The following PLPPR5 variants were observed in gnomAD, a reference collection of about 807,000 sequenced individuals.
PLPPR5 encodes the protein phospholipid phosphatase related 5, also known as phospholipid phosphatase-related protein type 5.
PLPPR5 carries 16 observed loss-of-function variants against 33.9 expected under a neutral mutation model. That is an observed-to-expected ratio of 0.47 (90% CI 0.32 to 0.72). The LOEUF is 0.72. Ranked by LOEUF, PLPPR5 falls within the 30% of genes least tolerant of loss-of-function variation. The pLI is 0.03. For synonymous variants in PLPPR5, 163 were observed against 150.3 expected, an observed-to-expected ratio of 1.08 and a Z score of -0.62; for missense variants, 301 against 406.7, an observed-to-expected ratio of 0.74 and a Z score of 2.23.
chr1:98,941,990 GTA>G (rs59224131), intron 3 of PLPPR5, among the ~76,000 whole-genome samples: 117,357 of 146,810 alleles, frequency 0.8, 47,409 homozygotes, highest in Admixed American at 0.86. Flanking sequence ...ATATGTATAC[GTA>G]TATATATATA....
chr1:98,926,032 C>T (rs1174664256), intron 3 of PLPPR5, among the ~76,000 whole-genome samples: 1 of 152,182 alleles, frequency 6.6e-6, no homozygotes, highest in Non-Finnish European at 1.5e-5. Context: ...TGTTTTCATG[C>T]TTCTTTCACC....
chr1:98,987,946 T>C (rs1335148612), intron 1 of PLPPR5, among the ~76,000 whole-genome samples: 2 of 152,074 alleles, frequency 1.3e-5, no homozygotes, highest in African/African-American at 2.4e-5. Context: ...ATTTACTTTT[T>C]CTCCATAACC....
chr1:98,907,022 T>C (rs1046029248), intron 5 of PLPPR5, among the ~76,000 whole-genome samples: 55 of 152,282 alleles, frequency 3.6e-4, no homozygotes, highest in African/African-American at 1.3e-3. Context: ...GTGTGGACTT[T>C]GTTCTTTATG....
chr1:98,938,692 G>C (rs577807830), intron 3 of PLPPR5, among the ~76,000 whole-genome samples: 2 of 151,930 alleles, frequency 1.3e-5, no homozygotes, highest in Non-Finnish European at 2.9e-5. Context: ...ATGAAGTTCT[G>C]CCCGGTTCAC....
chr1:98,951,294 A>T (rs1650775027), intron 3 of PLPPR5, among the ~76,000 whole-genome samples: 1 of 152,234 alleles, frequency 6.6e-6, no homozygotes, highest in South Asian at 2.1e-4. Flanking sequence ...AATAGGAAAG[A>T]ATATGCATGG....
intron 1 of PLPPR5, among the ~76,000 whole-genome samples, chr1:98,997,510 C>A (rs555086404): frequency 6.6e-6 from 1 of 152,112 alleles, no homozygotes; most frequent in Non-Finnish European, 1.5e-5. Context: ...ACAAAATGAA[C>A]GAGATGATTC....
At chr1:98,938,420 C>CA (rs544492984) in intron 3 of PLPPR5, among the ~76,000 whole-genome samples, 11,254 of 80,486 alleles carry the variant, frequency 0.14, 1,135 homozygotes, top group East Asian at 0.53. Context: ...AAGATCGTCT[C>CA]AAAAAAAAAA....
At chr1:98,909,278 C>A (rs1649032495) in intron 5 of PLPPR5, among the ~76,000 whole-genome samples, 1 of 138,156 alleles carries the variant, frequency 7.2e-6, no homozygotes, top group South Asian at 2.5e-4. Flanking sequence ...CCCTTCCCCT[C>A]CCTTCCCCGC....
intron 1 of PLPPR5, among the ~76,000 whole-genome samples, chr1:98,968,563 G>A (rs561280361): frequency 3.9e-5 from 6 of 152,132 alleles, no homozygotes; most frequent in Admixed American, 3.3e-4. Context: ...AGGATGTTAA[G>A]TGATATTTTC....
chr1:98,983,356 C>T (rs558511465), intron 1 of PLPPR5, among the ~76,000 whole-genome samples: 17 of 121,692 alleles, frequency 1.4e-4, no homozygotes, highest in African/African-American at 3.1e-4. Flanking sequence ...TTTGTTCTTG[C>T]GATAGTTTAC....
At chr1:98,955,269 C>G (rs1345946643) in intron 2 of PLPPR5, among the ~76,000 whole-genome samples, 1 of 151,966 alleles carries the variant, frequency 6.6e-6, no homozygotes, top group Non-Finnish European at 1.5e-5. Flanking sequence ...GACTTAAAAG[C>G]ATACTGTACT....
intron 3 of PLPPR5, among the ~76,000 whole-genome samples, chr1:98,943,733 C>T (rs35080639): frequency 0.12 from 17,758 of 152,250 alleles, 1,138 homozygotes; most frequent in East Asian, 0.22. Context: ...AATGTCACCT[C>T]TCAAGATCTC....
intron 5 of PLPPR5, among the ~76,000 whole-genome samples, chr1:98,912,599 A>G (rs1649194543): frequency 6.6e-6 from 1 of 152,186 alleles, no homozygotes; most frequent in East Asian, 1.9e-4. Flanking sequence ...ACTTGGTCTC[A>G]TGGTTACACC....
rs185760422 is a variant in PLPPR5 at position 98,908,789 on chromosome 1, C to T, written c.933+5997G>A. 1.1e-3 allele frequency among the ~76,000 whole-genome samples: 161 copies of T among 152,208 alleles called. 2 individuals are homozygous for T. The highest frequency in any genetic ancestry group is 3.7e-3 in the African/African-American group (155 of 41,532). ...GGGCATGAAGGTGTGAGAGCTATCG[C>T]CAAGATTTCCATGCACAATTTGGCA... On this transcript the variant is annotated intron_variant, in intron 5 of 5. Transcript: ENST00000263177.
chr1:98,930,157 T>C (rs1162184159), intron 3 of PLPPR5, among the ~76,000 whole-genome samples: 2 of 152,162 alleles, frequency 1.3e-5, no homozygotes, highest in Non-Finnish European at 2.9e-5. Flanking sequence ...TTAGATTTGG[T>C]ATACCTTAAA....
At chr1:98,925,976 G>A (rs1649743005) in intron 3 of PLPPR5, among the ~76,000 whole-genome samples, 1 of 152,156 alleles carries the variant, frequency 6.6e-6, no homozygotes, top group Non-Finnish European at 1.5e-5. Flanking sequence ...GCCAAGTCTA[G>A]GCTATTCATT....
At chr1:98,950,465 T>C (rs918268699) in intron 3 of PLPPR5, among the ~76,000 whole-genome samples, 1 of 152,184 alleles carries the variant, frequency 6.6e-6, no homozygotes, top group African/African-American at 2.4e-5. Context: ...CAGAAGTTTA[T>C]AAAACAAATA....
intron 3 of PLPPR5, 149 bp downstream of exon 3, chr1:98,952,921 C>T: frequency 1.1e-6 from 1 of 925,008 alleles, no homozygotes; most frequent in South Asian, 1.8e-5. Flanking sequence ...AGAGTACAAA[C>T]AGCTATTATT....
At chr1:98,976,164 A>G (rs931872996) in intron 1 of PLPPR5, among the ~76,000 whole-genome samples, 20 of 151,414 alleles carry the variant, frequency 1.3e-4, no homozygotes, top group Admixed American at 7.9e-4. Context: ...TTTTTTTAAC[A>G]TATAAAATGA....
Sources: gnomAD v4.1 joint callset for allele counts (sites outside exome capture counted in the v4.1 genomes callset) on GRCh38, gnomAD v4.1.1 for gene constraint, MANE v1.5 for transcripts, NCBI Gene and HGNC (gene_info 2026-07-23, HGNC 2026-07-21) for gene names.